NFYA: variants seen among roughly 807,000 people sequenced by gnomAD.
NFYA encodes the protein nuclear transcription factor Y subunit alpha.
A neutral mutation model predicts 52.8 loss-of-function variants in NFYA; 28 were observed. The ratio of observed to expected loss-of-function variants is 0.53; its 90% CI spans 0.39 to 0.73. The LOEUF (loss-of-function observed/expected upper bound fraction) is 0.73. NFYA is among the 30% of genes least tolerant of loss of function. The pLI is 0.00. For synonymous variants in NFYA, 150 were observed against 150.7 expected, an observed-to-expected ratio of 1.00 and a Z score of 0.03; for missense variants, 234 against 427.0, an observed-to-expected ratio of 0.55 and a Z score of 3.98.
In NFYA at chr6:41,083,347, G is replaced by A. The variant is rs144924340; in HGVS notation, c.163-699G>A. ...CTGATAAAGCTAAAATAACCATGTG[G>A]ATATTATAGAGGCCAGTGAGGAATT... On this transcript the variant is annotated intron_variant, in intron 3 of 9. Transcript: ENST00000341376. Among the ~76,000 whole-genome samples the A allele has an allele frequency of 1.8e-4, 28 of 152,288 alleles. No homozygotes were observed. In the East Asian group the frequency reaches 5.0e-3, roughly 27 times the overall value.
intron 4 of NFYA, among the ~76,000 whole-genome samples, chr6:41,087,117 C>T (rs781130221): frequency 3.3e-5 from 5 of 151,742 alleles, no homozygotes; most frequent in Admixed American, 6.6e-5. Context: ...GGAAAATGGG[C>T]GAAGAATATG....
intron 7 of NFYA, among the ~76,000 whole-genome samples, chr6:41,092,470 T>TA (rs1368392269): frequency 2.0e-5 from 3 of 152,246 alleles, no homozygotes; most frequent in African/African-American, 7.2e-5. Context: ...TACTTGTTTT[T>TA]ACCTACATTT....
In NFYA at chr6:41,089,647, G is replaced by C. The variant is rs1445613093; in HGVS notation, c.378G>C (p.Gln126His). ...GGQAVQVQGQ[Q>H]GQTQQIIIQQ... ...AGGCTGTGCAGGTGCAGGGCCAGCA[G>C]GGCCAGACCCAGCAGATCATCATCC... The change falls in exon 5 of 10, where the codon CAG (glutamine) becomes CAC (histidine). Residue 126 changes from glutamine to histidine, a missense_variant. Physicochemically the swap from Gln to His is conservative, Grantham distance 24 (BLOSUM62 0). Coordinates refer to ENST00000341376, the MANE Select transcript of NFYA (RefSeq NM_002505.5). The C allele has an allele frequency of 6.2e-7, 1 of 1,612,722 alleles. No individual in the cohort carries two copies. Among genetic ancestry groups the C allele is most frequent in the South Asian group, 1.1e-5 (1 of 91,014 alleles).
intron 1 of NFYA, 69 bp from the exon 2 acceptor site, chr6:41,078,960 C>T: frequency 1.5e-6 from 1 of 654,516 alleles, no homozygotes; most frequent in South Asian, 2.2e-5. Context: ...ATAAATTATC[C>T]AGGTTAATTG....
At chr6:41,094,345 T>C in intron 8 of NFYA, 51 bp from the exon 9 acceptor site, 1 of 1,498,974 alleles carries the variant, frequency 6.7e-7, no homozygotes, top group Non-Finnish European at 9.3e-7. Flanking sequence ...TAGATAACTG[T>C]GCTGGTTCTG....
chr6:41,102,327 AG>A lies in NFYA; in HGVS notation c.*4924del, dbSNP rs572661622. Among the ~76,000 whole-genome samples, 1 of 152,094 alleles carries A rather than the reference AG, an allele frequency of 6.6e-6. No individual in the cohort carries two copies. Among genetic ancestry groups the A allele is most frequent in the Admixed American group, 6.5e-5 (1 of 15,268 alleles). On this transcript the variant is annotated 3_prime_UTR_variant, in exon 10 of 10. Transcript: ENST00000341376. ...CACATTCTATTGACTCATTGTTCAA[AG>A]GGGGGGCAGGAGGAGCTAATTTCCT...
rs1031577770 is a variant in NFYA at position 41,089,518 on chromosome 6, G to A, written c.310-61G>A. ...TTCTAGAGAAATGTGGATAACTCTC[G>A]GGGACCAAAGGAGACCAGTGTCAGT... is the stretch of plus-strand genomic sequence containing the variant. On this transcript the variant is annotated intron_variant, in intron 4 of 9. Coordinates refer to ENST00000341376, the MANE Select transcript of NFYA (RefSeq NM_002505.5). 79 of 1,457,366 alleles carry A rather than the reference G, an allele frequency of 5.4e-5. No individual in the cohort carries two copies. In the African/African-American group the frequency reaches 6.6e-4, roughly 12 times the overall value. 90.3% of individuals were successfully genotyped at this position (1,457,366 alleles called of 1,614,324 possible). A position where few individuals can be genotyped will look rare whatever the true frequency, so the allele number is the denominator to read the frequency against.
Position 41,100,284 on chromosome 6 carries a change from C to T in NFYA, c.*2874C>T, listed in dbSNP as rs1015196328. On this transcript the variant is annotated 3_prime_UTR_variant, in exon 10 of 10. Coordinates refer to ENST00000341376, the MANE Select transcript of NFYA (RefSeq NM_002505.5). ...GGAAAATTAGCCGTTATCACAAAAA[C>T]AGCCTTAAGTATTGTAGAATTTCAG... 6.6e-6 allele frequency among the ~76,000 whole-genome samples: 1 copy of T among 152,194 alleles called. No homozygotes were observed. Among genetic ancestry groups the T allele is most frequent in the Admixed American group, 6.5e-5 (1 of 15,280 alleles).
At chr6:41,094,677 G>C (rs932857366) in intron 9 of NFYA, among the ~76,000 whole-genome samples, 180 bp downstream of exon 9, 1 of 152,088 alleles carries the variant, frequency 6.6e-6, no homozygotes, top group Non-Finnish European at 1.5e-5. Flanking sequence ...GCCAGACTTG[G>C]TGGCTCATGC....
Position 41,099,434 on chromosome 6 carries a change from A to T in NFYA, c.*2024A>T, listed in dbSNP as rs186230609. ...ATAGTAATGCCAGCCTTGTTGCTGAATTTTTTATTTGGGGGGAGATGACTT... is the reference window on the plus strand; with the variant it reads ...ATAGTAATGCCAGCCTTGTTGCTGATTTTTTTATTTGGGGGGAGATGACTT... On this transcript the variant is annotated 3_prime_UTR_variant, in exon 10 of 10. Transcript: ENST00000341376. 1 of 152,180 alleles carries T rather than the reference A, an allele frequency of 6.6e-6. No homozygotes were observed. The highest frequency in any genetic ancestry group is 2.4e-5 in the African/African-American group (1 of 41,454). 9.4% of individuals were successfully genotyped at this position (152,180 alleles called of 1,614,324 possible).
At chr6:41,079,894 G>T (rs1446683129) in intron 2 of NFYA, among the ~76,000 whole-genome samples, 1 of 152,206 alleles carries the variant, frequency 6.6e-6, no homozygotes, top group East Asian at 1.9e-4. Context: ...GGGAAAGGTA[G>T]TATTGATGAT....
chr6:41,093,971 G>T (rs1206716460), intron 8 of NFYA, among the ~76,000 whole-genome samples: 1 of 152,198 alleles, frequency 6.6e-6, no homozygotes, highest in Non-Finnish European at 1.5e-5. Context: ...AGTGATTCAT[G>T]ATCATGCCAC....
At position 41,094,480 on chromosome 6, in the gene NFYA, G is replaced by T; in HGVS notation, c.973G>T (p.Asp325Tyr). Residue 325 changes from aspartate (D) to tyrosine (Y), a missense_variant, in exon 9 of 10, where the codon GAT (aspartate) becomes TAT (tyrosine). Asp to Tyr is a radical substitution (Grantham distance 160). Transcript: ENST00000341376. The part of the protein sequence containing the change: ...GGRFFSPKEK[D>Y]SPHMQDPNQA... ...ACGATTTTTCTCTCCAAAGGAAAAGGATAGTCCCCATATGCAGGTAGGAAG... is the reference window on the plus strand; with the variant it reads ...ACGATTTTTCTCTCCAAAGGAAAAGTATAGTCCCCATATGCAGGTAGGAAG... 1 of 1,614,012 alleles carries T rather than the reference G, an allele frequency of 6.2e-7. No individual in the cohort carries two copies. Among genetic ancestry groups the T allele is most frequent in the Non-Finnish European group, 8.5e-7 (1 of 1,179,824 alleles).
rs533391979 is a variant in NFYA at position 41,094,016 on chromosome 6, C to T, written c.889-380C>T. 2.0e-5 allele frequency among the ~76,000 whole-genome samples: 3 copies of T among 152,296 alleles called. 1 individual carries two copies. The South Asian group carries it at 6.2e-4, about 32-fold the overall frequency. On this transcript the variant is annotated intron_variant, in intron 8 of 9. Transcript: ENST00000341376. ...ACAGCAAGGGTGTCAGAGTGAAACC[C>T]TGTTTCTAGAAAATAATAATAATAA...
rs1376926682 is a variant in NFYA, at chr6:41,090,104, ACT to A, written c.442-97_442-96del. The A allele has an allele frequency of 3.5e-5, 27 of 764,708 alleles. No homozygotes were observed. In the East Asian group the frequency reaches 7.0e-4, roughly 20 times the overall value. The allele number at this position is 764,708 out of a possible 1,614,324, so 47.4% of individuals were successfully genotyped here. On this transcript the variant is annotated intron_variant, in intron 5 of 9. Coordinates refer to ENST00000341376, the MANE Select transcript of NFYA (RefSeq NM_002505.5). ...CACTCCAGCCTGGCGACAGAGTGAG[ACT>A]CTGTCTCAAAAAAATAATTTTTTTT...
intron 8 of NFYA, among the ~76,000 whole-genome samples, chr6:41,093,499 C>T (rs1226530358): frequency 6.7e-6 from 1 of 150,012 alleles, no homozygotes; most frequent in Non-Finnish European, 1.5e-5. Flanking sequence ...GAGACTCAGT[C>T]TTGCTCTGTC....
intron 1 of NFYA, among the ~76,000 whole-genome samples, chr6:41,078,220 C>T (rs1763792988): frequency 6.6e-6 from 1 of 152,132 alleles, no homozygotes; most frequent in Non-Finnish European, 1.5e-5. Flanking sequence ...CATATAGTTG[C>T]ACATATTTTG....
chr6:41,074,451 A>G (rs1032434839), intron 1 of NFYA, among the ~76,000 whole-genome samples: 1 of 152,260 alleles, frequency 6.6e-6, no homozygotes, highest in African/African-American at 2.4e-5. Flanking sequence ...GGCCAAGTTC[A>G]GTTGCTGTGA....
intron 1 of NFYA, among the ~76,000 whole-genome samples, chr6:41,078,150 T>G (rs535131215): frequency 6.6e-6 from 1 of 152,308 alleles, no homozygotes; most frequent in African/African-American, 2.4e-5. Context: ...ATTCATCCAT[T>G]TTTTGATGCA....
Sources: allele counts gnomAD v4.1 joint callset (sites outside exome capture counted in the v4.1 genomes callset), GRCh38; gene constraint gnomAD v4.1.1; transcripts MANE v1.5; gene names NCBI Gene and HGNC (gene_info 2026-07-23, HGNC 2026-07-21).